Variants in RBFOX1 observed in about 807,000 individuals in gnomAD.
RBFOX1 encodes RNA binding protein fox-1 homolog 1.
Under a neutral mutation model 57.7 loss-of-function variants are expected in RBFOX1, and 8 were observed. The ratio of observed to expected loss-of-function variants is 0.14; its 90% CI spans 0.08 to 0.25. The LOEUF (loss-of-function observed/expected upper bound fraction) is 0.25. Ranked by LOEUF, RBFOX1 falls within the 10% of genes least tolerant of loss-of-function variation. The pLI is 1.00. For synonymous variants in RBFOX1, 326 were observed against 222.4 expected, an observed-to-expected ratio of 1.47 and a Z score of -4.15; for missense variants, 611 against 548.5, an observed-to-expected ratio of 1.11 and a Z score of -1.14.
chr16:6,015,157 T>G (rs576130271), upstream of RBFOX1, among the ~76,000 whole-genome samples: 3 of 152,168 alleles, frequency 2.0e-5, no homozygotes, highest in Non-Finnish European at 4.4e-5. Flanking sequence ...GCCACCACCC[T>G]CTGGCCTTCT....
At chr16:7,707,391 TG>T (rs571047671) in intron 14 of RBFOX1, among the ~76,000 whole-genome samples, 1 of 151,754 alleles carries the variant, frequency 6.6e-6, no homozygotes, top group African/African-American at 2.4e-5. Flanking sequence ...GGAAGGAAAA[TG>T]GGGGGAAAAC....
chr16:6,768,189 T>C (rs1161253381), intron 3 of RBFOX1, among the ~76,000 whole-genome samples: 2 of 151,900 alleles, frequency 1.3e-5, no homozygotes, highest in African/African-American at 2.4e-5. Flanking sequence ...AGAGCTAGAC[T>C]CCATCTCAAA....
At chr16:7,283,350 C>A (rs7190863) in intron 4 of RBFOX1, among the ~76,000 whole-genome samples, 7 of 151,636 alleles carry the variant, frequency 4.6e-5, no homozygotes, top group Non-Finnish European at 8.8e-5. Context: ...GCATTCCTGA[C>A]AGGGAGAAGA....
At chr16:5,850,111 C>T (rs778526786) in intron 3 of RBFOX1, among the ~76,000 whole-genome samples, 12 of 152,082 alleles carry the variant, frequency 7.9e-5, no homozygotes, top group Non-Finnish European at 1.5e-4. Flanking sequence ...TCTGGGTTCT[C>T]GGAGACTCAG....
At chr16:6,951,884 C>T (rs985293712) in intron 3 of RBFOX1, among the ~76,000 whole-genome samples, 1 of 151,174 alleles carries the variant, frequency 6.6e-6, no homozygotes, top group Non-Finnish European at 1.5e-5. Context: ...CAGGCATATG[C>T]ACCACCATGC....
intron 4 of RBFOX1, among the ~76,000 whole-genome samples, chr16:7,150,002 C>T (rs1299509461): frequency 2.6e-5 from 4 of 152,172 alleles, no homozygotes; most frequent in Non-Finnish European, 5.9e-5. Context: ...TAGAACCCTT[C>T]TCCACCTCTG....
intron 1 of RBFOX1, among the ~76,000 whole-genome samples, chr16:6,248,122 C>T (rs1040913117): frequency 6.6e-6 from 1 of 152,068 alleles, no homozygotes; most frequent in Non-Finnish European, 1.5e-5. Flanking sequence ...TAATAGGAGC[C>T]AGTGTACCAG....
chr16:6,627,278 C>A (rs150879551), intron 2 of RBFOX1, among the ~76,000 whole-genome samples: 1 of 152,172 alleles, frequency 6.6e-6, no homozygotes, highest in Non-Finnish European at 1.5e-5. Flanking sequence ...GGCCCTGAAA[C>A]GTCCCTACTT....
At chr16:6,129,763 A>G (rs2096616829) in intron 1 of RBFOX1, among the ~76,000 whole-genome samples, 1 of 151,480 alleles carries the variant, frequency 6.6e-6, no homozygotes, top group Non-Finnish European at 1.5e-5. Context: ...AAAAAACCAT[A>G]GATAATATTG....
At chr16:5,310,728 G>T in intron 1 of RBFOX1, among the ~76,000 whole-genome samples, 1 of 152,312 alleles carries the variant, frequency 6.6e-6, no homozygotes, top group East Asian at 1.9e-4. Flanking sequence ...TTAATTTCTT[G>T]TTGTGCTGTC....
chr16:7,051,685 G>C (rs1408388057), intron 3 of RBFOX1, among the ~76,000 whole-genome samples: 1 of 152,182 alleles, frequency 6.6e-6, no homozygotes, highest in East Asian at 1.9e-4. Flanking sequence ...CATCTGGAGT[G>C]GGCCTTTATG....
At chr16:7,251,677 C>T (rs1301290145) in intron 4 of RBFOX1, among the ~76,000 whole-genome samples, 11 of 152,104 alleles carry the variant, frequency 7.2e-5, no homozygotes, top group African/African-American at 1.7e-4. Flanking sequence ...ACCTCAGCCT[C>T]GCAAAGTCGT....
chr16:6,779,476 A>G (rs1372130689), intron 3 of RBFOX1, among the ~76,000 whole-genome samples: 2 of 151,742 alleles, frequency 1.3e-5, no homozygotes, highest in Non-Finnish European at 2.9e-5. Flanking sequence ...TACAATAAAC[A>G]TGGCAGTGCA....
chr16:5,871,785 A>G (rs951555281), intron 4 of RBFOX1, among the ~76,000 whole-genome samples: 2 of 152,138 alleles, frequency 1.3e-5, no homozygotes, highest in African/African-American at 2.4e-5. Flanking sequence ...CACCTTAATG[A>G]TTTCCTGTTG....
intron 3 of RBFOX1, among the ~76,000 whole-genome samples, chr16:7,035,450 G>T (rs1450642038): frequency 1.3e-5 from 2 of 152,142 alleles, no homozygotes; most frequent in Admixed American, 6.5e-5. Context: ...ATATTTATTT[G>T]AATATTAAGT....
intron 1 of RBFOX1, among the ~76,000 whole-genome samples, chr16:5,375,327 C>T (rs1048836273): frequency 2.6e-5 from 4 of 151,954 alleles, no homozygotes; most frequent in South Asian, 2.1e-4. Flanking sequence ...TTCTAGGGAG[C>T]GGGAGTGAAG....
At chr16:7,652,704 C>T (rs777586333) in intron 11 of RBFOX1, among the ~76,000 whole-genome samples, 1 of 152,222 alleles carries the variant, frequency 6.6e-6, no homozygotes, top group African/African-American at 2.4e-5. Context: ...CCGCGCCCAG[C>T]CCCCACATTC....
At position 6,564,694 on chromosome 16, in the gene RBFOX1, G is replaced by C. The variant is rs971008292; in HGVS notation, c.-63-89909G>C. Among the ~76,000 whole-genome samples the C allele has an allele frequency of 3.3e-5, 5 of 152,266 alleles. No homozygotes were observed. The South Asian group carries it at 1.0e-3, about 32-fold the overall frequency. ...CAAAACACACAAATTTCAGTAAAAAGATGAACAGGTTCTGAGGATCTTGTT... is the reference window on the plus strand; with the variant it reads ...CAAAACACACAAATTTCAGTAAAAACATGAACAGGTTCTGAGGATCTTGTT... On this transcript the variant is annotated intron_variant, in intron 2 of 15. Coordinates refer to ENST00000550418, the MANE Select transcript of RBFOX1 (RefSeq NM_018723.4).
chr16:5,801,245 GAAAT>G (rs2055045212), intron 3 of RBFOX1, among the ~76,000 whole-genome samples: 1 of 151,752 alleles, frequency 6.6e-6, no homozygotes, highest in South Asian at 2.1e-4. Context: ...AAAAAGTACT[GAAAT>G]AAAATTAGGC....
Sources: allele counts gnomAD v4.1 joint callset (sites outside exome capture counted in the v4.1 genomes callset), GRCh38; gene constraint gnomAD v4.1.1; transcripts MANE v1.5; gene names NCBI Gene and HGNC (gene_info 2026-07-23, HGNC 2026-07-21).